CDH12: variants seen among roughly 807,000 people sequenced by gnomAD.
CDH12 encodes cadherin 12.
CDH12 carries 41 observed loss-of-function variants against 74.1 expected under a neutral mutation model. The ratio of observed to expected loss-of-function variants is 0.55; its 90% CI spans 0.43 to 0.72. The LOEUF (loss-of-function observed/expected upper bound fraction) is 0.72, where lower values mean the gene tolerates loss of function less well. CDH12 is among the 30% of genes least tolerant of loss of function. The pLI, the probability that CDH12 is intolerant of heterozygous loss-of-function variation, is 0.00. For synonymous variants in CDH12, 399 were observed against 355.0 expected (o/e 1.12, Z -1.39); for missense variants, 945 against 977.2 (o/e 0.97, Z 0.44).
chr5:22,531,556 G>T (rs950707217), intron 1 of CDH12, among the ~76,000 whole-genome samples: 2 of 151,916 alleles, frequency 1.3e-5, no homozygotes, highest in African/African-American at 4.8e-5. Flanking sequence ...GGGAGGGAAG[G>T]GCTATCTCCT....
At chr5:22,511,951 G>A (rs1183189406) in intron 1 of CDH12, among the ~76,000 whole-genome samples, 1 of 151,748 alleles carries the variant, frequency 6.6e-6, no homozygotes, top group African/African-American at 2.4e-5. Flanking sequence ...GTGTGTGTGT[G>A]TGTGTGTACA....
intron 1 of CDH12, among the ~76,000 whole-genome samples, chr5:22,809,593 A>T (rs1048722852): frequency 2.0e-5 from 3 of 151,888 alleles, no homozygotes; most frequent in South Asian, 2.1e-4. Flanking sequence ...TATAATATTT[A>T]AAAAAATAAA....
At chr5:21,783,104 CA>C (rs553642206) in intron 11 of CDH12, among the ~76,000 whole-genome samples, 151 of 152,086 alleles carry the variant, frequency 9.9e-4, no homozygotes, top group African/African-American at 3.3e-3. Flanking sequence ...GAGGGTAAAG[CA>C]TAGAACAGGA....
intron 1 of CDH12, among the ~76,000 whole-genome samples, chr5:22,761,109 C>T (rs1746205099): frequency 6.6e-6 from 1 of 152,168 alleles, no homozygotes; most frequent in Non-Finnish European, 1.5e-5. Context: ...TTTCCTCTCA[C>T]TTCTTAATGA....
At chr5:22,316,819 A>G (rs941615391) in intron 3 of CDH12, among the ~76,000 whole-genome samples, 2 of 152,188 alleles carry the variant, frequency 1.3e-5, no homozygotes, top group African/African-American at 4.8e-5. Flanking sequence ...TTCAAGTAGG[A>G]AAAAAGACAT....
chr5:22,385,223 T>C (rs1741948513), intron 3 of CDH12, among the ~76,000 whole-genome samples: 1 of 152,204 alleles, frequency 6.6e-6, no homozygotes, highest in South Asian at 2.1e-4. Flanking sequence ...GCTACAAATA[T>C]GATTTTAAAT....
At chr5:22,226,225 G>A (rs948143464) in intron 3 of CDH12, among the ~76,000 whole-genome samples, 6 of 151,926 alleles carry the variant, frequency 3.9e-5, no homozygotes, top group African/African-American at 1.4e-4. Context: ...AGAATCCTAA[G>A]ATGATCCCAA....
intron 4 of CDH12, among the ~76,000 whole-genome samples, chr5:22,111,064 G>T (rs1008075299): frequency 1.3e-5 from 2 of 152,108 alleles, no homozygotes; most frequent in Admixed American, 1.3e-4. Context: ...ATTCTACAAA[G>T]AGAGTTGAAA....
chr5:21,803,319 C>T (rs1392456798), intron 9 of CDH12, among the ~76,000 whole-genome samples: 1 of 151,762 alleles, frequency 6.6e-6, no homozygotes, highest in Non-Finnish European at 1.5e-5. Flanking sequence ...ATACATAGTA[C>T]TAATTTAAAA....
intron 2 of CDH12, among the ~76,000 whole-genome samples, chr5:22,456,057 G>A (rs1745251975): frequency 6.6e-6 from 1 of 151,002 alleles, no homozygotes; most frequent in Admixed American, 6.6e-5. Flanking sequence ...GAGCAAATTT[G>A]GCAAGAGACA....
intron 6 of CDH12, among the ~76,000 whole-genome samples, chr5:21,968,527 C>G (rs1437458262): frequency 2.0e-5 from 3 of 152,112 alleles, no homozygotes; most frequent in Admixed American, 6.6e-5. Context: ...GCCTAGAGGT[C>G]AGAGATGAGA....
At chr5:22,055,165 T>C (rs1740654558) in intron 5 of CDH12, among the ~76,000 whole-genome samples, 2 of 152,160 alleles carry the variant, frequency 1.3e-5, no homozygotes, top group Non-Finnish European at 2.9e-5. Flanking sequence ...ATGCTGTAGA[T>C]CAGTTGGTCC....
intron 1 of CDH12, among the ~76,000 whole-genome samples, chr5:22,618,102 G>A (rs1737780198): frequency 6.6e-6 from 1 of 151,888 alleles, no homozygotes; most frequent in African/African-American, 2.4e-5. Flanking sequence ...CAAAATTAAT[G>A]CACTTTTCTT....
chr5:22,708,893 A>G (rs1743155017), intron 1 of CDH12, among the ~76,000 whole-genome samples: 1 of 152,166 alleles, frequency 6.6e-6, no homozygotes. Flanking sequence ...GGGAAGTTAG[A>G]TGCCACCGGC....
At chr5:21,804,849 T>C (rs1747343959) in intron 9 of CDH12, among the ~76,000 whole-genome samples, 1 of 152,074 alleles carries the variant, frequency 6.6e-6, no homozygotes, top group South Asian at 2.1e-4. Context: ...TCTCTATAAT[T>C]ACATGTGTTT....
rs1263893627 is a variant in CDH12, at chr5:22,646,989, TTTC to T, written c.-522-141628_-522-141626del. On this transcript the variant is annotated intron_variant, in intron 1 of 14. Transcript: ENST00000382254. The stretch of plus-strand genomic sequence containing the variant: ...TATATGGCTCATAAACTACTCTAGT[TTTC>T]TTTTTAATTAAGCCAAGAGATGATT... Among the ~76,000 whole-genome samples, 3 of 152,056 alleles carry T rather than the reference TTTC, an allele frequency of 2.0e-5. No individual in the cohort carries two copies. The South Asian group carries it at 6.2e-4, about 31-fold the overall frequency.
At chr5:21,897,494 A>G (rs1753177395) in intron 6 of CDH12, among the ~76,000 whole-genome samples, 1 of 152,226 alleles carries the variant, frequency 6.6e-6, no homozygotes, top group African/African-American at 2.4e-5. Flanking sequence ...TTTTAGAGAC[A>G]GTATCATTAG....
intron 4 of CDH12, among the ~76,000 whole-genome samples, chr5:22,202,365 G>A: frequency 6.6e-6 from 1 of 152,146 alleles, no homozygotes; most frequent in East Asian, 1.9e-4. Context: ...TAAGGAGAAA[G>A]AGATAGGGTG....
chr5:22,232,246 C>T (rs1271742089), intron 3 of CDH12, among the ~76,000 whole-genome samples: 1 of 151,502 alleles, frequency 6.6e-6, no homozygotes, highest in African/African-American at 2.4e-5. Flanking sequence ...ATAGAAAACC[C>T]CTCCTAAAAA....
Sources: gnomAD v4.1 joint callset for allele counts (sites outside exome capture counted in the v4.1 genomes callset) on GRCh38, gnomAD v4.1.1 for gene constraint, MANE v1.5 for transcripts, NCBI Gene and HGNC (gene_info 2026-07-23, HGNC 2026-07-21) for gene names.